The following MYO3B variants were observed in gnomAD, a reference collection of about 807,000 sequenced individuals.
MYO3B encodes myosin-IIIb.
MYO3B carries 156 observed loss-of-function variants against 174.6 expected under a neutral mutation model. The ratio of observed to expected loss-of-function variants is 0.89; its 90% CI spans 0.78 to 1.02. The LOEUF is 1.02. Among genes scored for constraint, MYO3B ranks in the 50% least tolerant of loss-of-function variants. MYO3B has a pLI of 0.00. For synonymous variants in MYO3B, 563 were observed against 569.1 expected (o/e 0.99, Z 0.15); for missense variants, 1,632 against 1,639.4 (o/e 1.00, Z 0.08).
intron 7 of MYO3B, among the ~76,000 whole-genome samples, chr2:170,325,193 T>G (rs969609689): frequency 1.3e-5 from 2 of 152,130 alleles, no homozygotes; most frequent in Admixed American, 6.5e-5. Flanking sequence ...AGTTAAACAT[T>G]CTTTTTTGTT....
chr2:170,353,021 T>G (rs2094088739), intron 8 of MYO3B, among the ~76,000 whole-genome samples: 1 of 152,246 alleles, frequency 6.6e-6, no homozygotes. Context: ...AGTAAACATA[T>G]GCTTACCGTA....
At chr2:170,522,569 A>G (rs1407394932) in intron 30 of MYO3B, among the ~76,000 whole-genome samples, 1 of 152,228 alleles carries the variant, frequency 6.6e-6, no homozygotes, top group Non-Finnish European at 1.5e-5. Flanking sequence ...AAGAACTTTA[A>G]TGGCTTCCTA....
intron 22 of MYO3B, among the ~76,000 whole-genome samples, chr2:170,418,081 G>C (rs147026033): frequency 0.011 from 1,667 of 152,328 alleles, 23 homozygotes; most frequent in African/African-American, 0.036. Flanking sequence ...CCAGTCCAGT[G>C]GGTGTGCAGG....
intron 25 of MYO3B, among the ~76,000 whole-genome samples, chr2:170,486,299 C>CTTTTTTTT (rs10715918): frequency 9.1e-5 from 9 of 99,194 alleles, no homozygotes; most frequent in East Asian, 3.0e-4. Context: ...AGAATCCATT[C>CTTTTTTTT]TTTTTTTTTT....
rs923332261 is a variant in MYO3B, at chr2:170,600,650, A to G, written c.3734-50978A>G. 1.6e-4 allele frequency among the ~76,000 whole-genome samples: 25 copies of G among 152,330 alleles called. No individual in the cohort carries two copies. The South Asian group carries it at 3.5e-3, about 21-fold the overall frequency. On this transcript the variant is annotated intron_variant, in intron 32 of 34. Coordinates refer to ENST00000408978, the MANE Select transcript of MYO3B (RefSeq NM_138995.5). ...AGACATCTATAGCCAGCATTTTCATAGTCTTCACTGAGACTAATGTCCACA... is the reference window on the plus strand; with the variant it reads ...AGACATCTATAGCCAGCATTTTCATGGTCTTCACTGAGACTAATGTCCACA...
At chr2:170,494,751 A>G (rs980740344) in intron 25 of MYO3B, among the ~76,000 whole-genome samples, 6 of 148,532 alleles carry the variant, frequency 4.0e-5, no homozygotes, top group African/African-American at 1.5e-4. Context: ...AAAAAAAAGA[A>G]GAAGAAAAAA....
chr2:170,350,093 C>T (rs1302395716), intron 8 of MYO3B, among the ~76,000 whole-genome samples: 2 of 151,906 alleles, frequency 1.3e-5, no homozygotes, highest in African/African-American at 2.4e-5. Flanking sequence ...TCTCAACCTC[C>T]CAGGGTGAAG....
At chr2:170,543,570 A>G (rs1318703892) in intron 31 of MYO3B, among the ~76,000 whole-genome samples, 1 of 152,248 alleles carries the variant, frequency 6.6e-6, no homozygotes, top group Non-Finnish European at 1.5e-5. Flanking sequence ...TCTTAGAGAT[A>G]AAAAATAAGT....
chr2:170,470,573 C>T (rs943479268), intron 25 of MYO3B, among the ~76,000 whole-genome samples: 2 of 152,120 alleles, frequency 1.3e-5, no homozygotes, highest in African/African-American at 2.4e-5. Context: ...TATTCATGTA[C>T]AACTTTTAAT....
intron 9 of MYO3B, among the ~76,000 whole-genome samples, chr2:170,372,147 AAC>A (rs2094253828): frequency 7.2e-6 from 1 of 138,510 alleles, no homozygotes; most frequent in African/African-American, 2.6e-5. Context: ...AAAAAAAAAC[AAC>A]AACAACAAAG....
chr2:170,236,165 A>G, intron 7 of MYO3B, 29 bp downstream of exon 7: 10 of 1,611,974 alleles, frequency 6.2e-6, no homozygotes, highest in Non-Finnish European at 8.5e-6. Context: ...CTCTTGACTC[A>G]TTAGTTCTTT....
At chr2:170,499,554 T>A in intron 26 of MYO3B, 92 bp from the exon 27 acceptor site, 2 of 1,178,428 alleles carry the variant, frequency 1.7e-6, no homozygotes, top group Non-Finnish European at 2.4e-6. Flanking sequence ...TTTATATCAT[T>A]GTTTTAATAT....
In MYO3B at chr2:170,622,581, TTA is replaced by T. The variant is rs1491475802; in HGVS notation, c.3734-29045_3734-29044del. 2.2e-3 allele frequency among the ~76,000 whole-genome samples: 334 copies of T among 151,572 alleles called. 2 individuals are homozygous for T. Among genetic ancestry groups the T allele is most frequent in the African/African-American group, 7.5e-3 (308 of 40,946 alleles). ...ATTCTTTTATAATATACATTTTTTT[TTA>T]TTATTATACTTTAAGTTCTAGGGTA... On this transcript the variant is annotated intron_variant, in intron 32 of 34. Transcript: ENST00000408978.
chr2:170,592,270 T>C (rs767549089), intron 32 of MYO3B, among the ~76,000 whole-genome samples: 1 of 152,286 alleles, frequency 6.6e-6, no homozygotes, highest in Non-Finnish European at 1.5e-5. Context: ...CTTTATATTA[T>C]TGTGAAGTTG....
At chr2:170,301,103 G>T (rs1285831493) in intron 7 of MYO3B, among the ~76,000 whole-genome samples, 2 of 152,158 alleles carry the variant, frequency 1.3e-5, no homozygotes, top group Non-Finnish European at 2.9e-5. Context: ...CTCTAACTGG[G>T]CAGCAATGAG....
At chr2:170,416,664 T>C (rs2094581290) in intron 22 of MYO3B, among the ~76,000 whole-genome samples, 2 of 149,494 alleles carry the variant, frequency 1.3e-5, no homozygotes, top group South Asian at 4.2e-4. Flanking sequence ...TCCTATGTGA[T>C]CTGTCCCTGC....
intron 1 of MYO3B, among the ~76,000 whole-genome samples, chr2:170,183,711 T>G (rs1342403663): frequency 6.6e-6 from 1 of 152,144 alleles, no homozygotes; most frequent in Non-Finnish European, 1.5e-5. Context: ...TCAAAAACAA[T>G]GCAAAATTTT....
At chr2:170,335,521 G>A (rs1455855975) in intron 8 of MYO3B, 71 bp downstream of exon 8, 6 of 1,258,122 alleles carry the variant, frequency 4.8e-6, no homozygotes, top group Non-Finnish European at 6.9e-6. Flanking sequence ...AATCCAGGCT[G>A]TGGAATTTAC....
chr2:170,612,498 A>ACC (rs112049067), intron 32 of MYO3B, among the ~76,000 whole-genome samples: 1,953 of 152,246 alleles, frequency 0.013, 38 homozygotes, highest in African/African-American at 0.044. Flanking sequence ...GCTAAACTCC[A>ACC]TAAGGGCAGA....
Sources: gnomAD v4.1 joint callset for allele counts (sites outside exome capture counted in the v4.1 genomes callset) on GRCh38, gnomAD v4.1.1 for gene constraint, MANE v1.5 for transcripts, NCBI Gene and HGNC (gene_info 2026-07-23, HGNC 2026-07-21) for gene names.